Variants in ARID5A observed in about 807,000 individuals in gnomAD.
The protein encoded by ARID5A is AT-rich interaction domain 5A, also known as AT-rich interactive domain-containing protein 5A.
In ARID5A, 14 loss-of-function variants were observed where a neutral mutation model predicts 30.5. The ratio of observed to expected loss-of-function variants is 0.46; its 90% confidence interval spans 0.30 to 0.72. The LOEUF is 0.72. Ranked by LOEUF, ARID5A falls within the 30% of genes least tolerant of loss-of-function variation. The probability of loss-of-function intolerance (pLI) is 0.07; values close to 1 mark genes in which losing one functional copy is unlikely to be tolerated. For missense variants in ARID5A, 669 were observed against 786.2 expected, an observed-to-expected ratio of 0.85 and a Z score of 1.78; for synonymous variants, 338 against 340.4, an observed-to-expected ratio of 0.99 and a Z score of 0.08.
intron 1 of ARID5A, among the ~76,000 whole-genome samples, chr2:96,544,343 T>A (rs116840164): frequency 2.0e-5 from 3 of 152,350 alleles, no homozygotes; most frequent in African/African-American, 7.2e-5. Context: ...AGGACTTTCA[T>A]AGCTAAGGAG....
chr2:96,544,034 A>G (rs565088382), intron 1 of ARID5A, among the ~76,000 whole-genome samples: 1 of 152,372 alleles, frequency 6.6e-6, no homozygotes, highest in Admixed American at 6.5e-5. Flanking sequence ...AAGCCATAAC[A>G]TTCCCTTAAG....
intron 1 of ARID5A, among the ~76,000 whole-genome samples, chr2:96,545,761 C>A (rs1389986102): frequency 6.6e-6 from 1 of 151,832 alleles, no homozygotes; most frequent in Non-Finnish European, 1.5e-5. Flanking sequence ...TGAGACCAGT[C>A]TGGCCAATAT....
rs2065985867 is a variant in ARID5A at position 96,549,384 on chromosome 2, C to T, written c.184C>T (p.Leu62=). The T allele has an allele frequency of 1.9e-6, 3 of 1,613,774 alleles. No individual in the cohort carries two copies. The highest frequency in any genetic ancestry group is 1.3e-5 in the African/African-American group (1 of 74,894). Residue 62 remains leucine, a synonymous_variant, in exon 3 of 7, where the codon CTG becomes TTG. Coordinates refer to ENST00000357485, the MANE Select transcript of ARID5A (RefSeq NM_212481.3). The surrounding 1 kb of genome is among the most constrained non-coding windows in gnomAD (Gnocchi z 6.1). The part of the protein sequence containing the change: ...EQEREEEQAF[L]VSLYKFMKER... ...GGAGCGGGAGGAGGAGCAGGCCTTCCTGGTCAGCCTCTACAAGTTCATGAA... is the reference window on the plus strand; with the variant it reads ...GGAGCGGGAGGAGGAGCAGGCCTTCTTGGTCAGCCTCTACAAGTTCATGAA...
At chr2:96,540,358 C>T (rs867490962) in intron 1 of ARID5A, among the ~76,000 whole-genome samples, 8 of 152,184 alleles carry the variant, frequency 5.3e-5, no homozygotes, top group African/African-American at 1.9e-4. Flanking sequence ...AGCACCCTGC[C>T]GCACCCCCTC....
chr2:96,549,692 G>T lies in ARID5A; in HGVS notation c.260-61G>T. The T allele has an allele frequency of 6.2e-7, 1 of 1,611,080 alleles. No homozygotes were observed. The highest frequency in any genetic ancestry group is 8.5e-7 in the Non-Finnish European group (1 of 1,177,598). ...TGGCCTGTCAGGGCACCAGGAAGGG[G>T]TGGCATGCTGTCCCCACCTCCCACA... On this transcript the variant is annotated intron_variant, in intron 3 of 6. Coordinates refer to ENST00000357485, the MANE Select transcript of ARID5A (RefSeq NM_212481.3). This position sits in a 1 kb window ranked among gnomAD's most constrained non-coding sequence, Gnocchi z 6.1.
In ARID5A at chr2:96,536,792, G is replaced by T. The variant is rs561129356; in HGVS notation, c.-35G>T. The T allele has an allele frequency of 3.2e-5, 39 of 1,227,224 alleles. No individual in the cohort carries two copies. Among genetic ancestry groups the T allele is most frequent in the Admixed American group, 8.5e-5 (2 of 23,536 alleles). The allele number at this position is 1,227,224 out of a possible 1,614,324, so 76.0% of individuals were successfully genotyped here. On this transcript the variant is annotated 5_prime_UTR_variant, in exon 1 of 7. Transcript: ENST00000357485. ...GGGTCCGGACAGCCGCGCGCTGAGG[G>T]TCTCGGGGCGGGCGCCGCGGGACCT...
At chr2:96,538,415 C>A in intron 1 of ARID5A, 1 of 847,284 alleles carries the variant, frequency 1.2e-6, no homozygotes, top group Non-Finnish European at 1.4e-6. Flanking sequence ...TCTGGTGGCT[C>A]TTGTGGCCTC....
In ARID5A at chr2:96,551,826, C is replaced by G. The variant is rs1219041563; in HGVS notation, c.1298C>G (p.Pro433Arg). 3 of 1,597,514 alleles carry G rather than the reference C, an allele frequency of 1.9e-6. No homozygotes were observed. In the Admixed American group the frequency reaches 5.3e-5, roughly 28 times the overall value. The change falls in exon 7 of 7, where the codon CCC becomes CGC. Residue 433 changes from proline (P) to arginine (R), a missense_variant. Pro to Arg is a moderately radical substitution (Grantham distance 103). Transcript: ENST00000357485. ...CCAGCCGAGAGCCCCACGCTCCCGC[C>G]CACCTTCCCCAGTAGCCCAGGCCTG... is the stretch of plus-strand genomic sequence containing the variant. ...KVPAESPTLP[P>R]TFPSSPGLGS...
At chr2:96,538,545 C>T (rs1368141429) in intron 1 of ARID5A, among the ~76,000 whole-genome samples, 1 of 152,202 alleles carries the variant, frequency 6.6e-6, no homozygotes, top group African/African-American at 2.4e-5. Context: ...CATCGCGTTT[C>T]TTCTCACTGC....
intron 1 of ARID5A, among the ~76,000 whole-genome samples, chr2:96,545,876 C>T (rs1247274562): frequency 2.0e-5 from 3 of 151,968 alleles, no homozygotes; most frequent in African/African-American, 7.3e-5. Flanking sequence ...ATCACTTGAA[C>T]CTGGGAGGCG....
In ARID5A at chr2:96,537,149, T is replaced by G. The variant is rs942977741; in HGVS notation, c.4+319T>G. ...TCTTTTCGCCGTCTCTTGCCTGAAA[T>G]ATGCCGAGCCCGGTACGGCTCTGTC... is the stretch of plus-strand genomic sequence containing the variant. On this transcript the variant is annotated intron_variant, in intron 1 of 6. Transcript: ENST00000357485. This position sits in a 1 kb window ranked among gnomAD's most constrained non-coding sequence, Gnocchi z 4.8. Among the ~76,000 whole-genome samples, 1 of 152,152 alleles carries G rather than the reference T, an allele frequency of 6.6e-6. No homozygotes were observed. The highest frequency in any genetic ancestry group is 2.4e-5 in the African/African-American group (1 of 41,434).
intron 1 of ARID5A, among the ~76,000 whole-genome samples, chr2:96,538,859 C>A (rs2065793501): frequency 6.6e-6 from 1 of 152,186 alleles, no homozygotes; most frequent in Admixed American, 6.5e-5. Context: ...TCCCATCACA[C>A]CCAGGGTGAG....
At position 96,549,220 on chromosome 2, in the gene ARID5A, G is replaced by A. The variant is rs971409601; in HGVS notation, c.121-101G>A. ...GGTGTTCTCTGGGAAACTGGGGTTG[G>A]GGTAGGTACCTTATTCCTCCTGCAG... is the stretch of plus-strand genomic sequence containing the variant. On this transcript the variant is annotated intron_variant, in intron 2 of 6. Transcript: ENST00000357485. The surrounding 1 kb of genome is among the most constrained non-coding windows in gnomAD (Gnocchi z 6.1). 3.9e-6 allele frequency: 6 copies of A among 1,535,554 alleles called. No homozygotes were observed. The highest frequency in any genetic ancestry group is 5.3e-6 in the Non-Finnish European group (6 of 1,142,674).
Position 96,550,024 on chromosome 2 carries a change from A to C in ARID5A, c.313-164A>C. On this transcript the variant is annotated intron_variant, in intron 4 of 6. Transcript: ENST00000357485. The surrounding 1 kb of genome is among the most constrained non-coding windows in gnomAD (Gnocchi z 6.6). ...CCGTGTTGGGAAAACTGCTTGGGCC[A>C]GCAGTCCATGGCCCTAGGAGAGAGA... 1 of 1,533,826 alleles carries C rather than the reference A, an allele frequency of 6.5e-7. No individual in the cohort carries two copies. The highest frequency in any genetic ancestry group is 8.7e-7 in the Non-Finnish European group (1 of 1,146,418).
At chr2:96,538,425 C>CA in intron 1 of ARID5A, 1 of 735,604 alleles carries the variant, frequency 1.4e-6, no homozygotes, top group Non-Finnish European at 1.7e-6. Context: ...CTTGTGGCCT[C>CA]AGCTGCCCCC....
intron 1 of ARID5A, among the ~76,000 whole-genome samples, chr2:96,538,720 C>A (rs2065790146): frequency 6.6e-6 from 1 of 152,244 alleles, no homozygotes. Context: ...GAAACTTAAG[C>A]CAACAACCTC....
In ARID5A at chr2:96,552,170, G is replaced by T. The variant is rs780539886; in HGVS notation, c.1642G>T (p.Ala548Ser). The stretch of plus-strand genomic sequence containing the variant: ...GGCCACCGCAGGCCCCTCGCCCATG[G>T]CCGCTGGCCTGATGCACTTCCCCCC... ...FLATAGPSPM[A>S]AGLMHFPPTS... The change falls in exon 7 of 7, where the codon GCC (alanine) becomes TCC (serine). Residue 548 changes from alanine (A) to serine (S), a missense_variant. Ala to Ser is a moderately conservative substitution (Grantham distance 99). Around this residue, in one of 4 missense-constraint regions of ARID5A, gnomAD observed 548 missense variants for 577.4 expected, o/e 0.95. Coordinates refer to ENST00000357485, the MANE Select transcript of ARID5A (RefSeq NM_212481.3). 6.2e-7 allele frequency: 1 copy of T among 1,613,290 alleles called. No homozygotes were observed. The highest frequency in any genetic ancestry group is 8.5e-7 in the Non-Finnish European group (1 of 1,180,014).
At chr2:96,547,660 GACTT>G (rs1478468241) in intron 2 of ARID5A, 143 bp downstream of exon 2, 4 of 708,604 alleles carry the variant, frequency 5.6e-6, no homozygotes, top group Admixed American at 3.0e-5. Flanking sequence ...GCAGCCAGGG[GACTT>G]ACTTGTCATC....
Position 96,550,484 on chromosome 2 carries a change from C to T in ARID5A, c.411-90C>T. The T allele has an allele frequency of 1.4e-6, 2 of 1,474,624 alleles. No homozygotes were observed. The highest frequency in any genetic ancestry group is 9.0e-7 in the Non-Finnish European group (1 of 1,110,754). The allele number at this position is 1,474,624 out of a possible 1,614,324, so 91.3% of individuals were successfully genotyped here. ...ACCAGGAGAGGGCCTTCCTCGGCGC[C>T]GGCGGGGAAGGGGGCTCAGAGGAGG... is the stretch of plus-strand genomic sequence containing the variant. On this transcript the variant is annotated intron_variant, in intron 5 of 6. Coordinates refer to ENST00000357485, the MANE Select transcript of ARID5A (RefSeq NM_212481.3). This position sits in a 1 kb window ranked among gnomAD's most constrained non-coding sequence, Gnocchi z 6.6.
Sources: gnomAD v4.1 joint callset for allele counts (sites outside exome capture counted in the v4.1 genomes callset) on GRCh38, gnomAD v4.1.1 for gene constraint, gnomAD v4.1.1 regional missense constraint, Gnocchi (gnomAD v3.1) non-coding constraint, MANE v1.5 for transcripts, NCBI Gene and HGNC (gene_info 2026-07-23, HGNC 2026-07-21) for gene names.